The following CLNK variants were observed in gnomAD, a reference collection of about 807,000 sequenced individuals.
The protein encoded by CLNK is cytokine dependent hematopoietic cell linker.
In CLNK, 74 loss-of-function variants were observed where a neutral mutation model predicts 68.6. That is an observed-to-expected ratio of 1.08 (90% confidence interval 0.89 to 1.31). CLNK has a LOEUF of 1.31. CLNK is among the 50% of genes most tolerant of loss of function. The probability of loss-of-function intolerance (pLI) is 0.00; values close to 1 mark genes in which losing one functional copy is unlikely to be tolerated. For missense variants in CLNK, 553 were observed against 515.3 expected, an observed-to-expected ratio of 1.07 and a Z score of -0.71; for synonymous variants, 198 against 172.2, an observed-to-expected ratio of 1.15 and a Z score of -1.17.
chr4:10,658,628 C>T (rs930359624), intron 2 of CLNK, among the ~76,000 whole-genome samples: 24 of 152,142 alleles, frequency 1.6e-4, no homozygotes, highest in Non-Finnish European at 2.8e-4. Flanking sequence ...AGGGCTTCTC[C>T]GCAAGGCTTG....
intron 11 of CLNK, 120 bp downstream of exon 11, chr4:10,540,374 A>G (rs546680885): frequency 7.0e-6 from 5 of 716,244 alleles, no homozygotes; most frequent in African/African-American, 7.0e-5. Context: ...GAATGGACCA[A>G]TACACTCCCC....
chr4:10,580,406 G>T lies in CLNK; in HGVS notation c.112+4521C>A, dbSNP rs180804735. Among the ~76,000 whole-genome samples the T allele has an allele frequency of 3.8e-4, 58 of 152,278 alleles. 1 individual carries two copies. Among genetic ancestry groups the T allele is most frequent in the African/African-American group, 1.4e-3 (58 of 41,560 alleles). On this transcript the variant is annotated intron_variant, in intron 4 of 18. Transcript: ENST00000226951. Reference sequence around the variant, plus strand: ...TTTTAAAGCATCCCGCTACTGATTAGAAAAAGTTAACTGTAAAACAGTCTC... The same window carrying T: ...TTTTAAAGCATCCCGCTACTGATTATAAAAAGTTAACTGTAAAACAGTCTC...
rs573464008 is a variant in CLNK, at chr4:10,488,325, G to A, written c.*2142C>T. On this transcript the variant is annotated 3_prime_UTR_variant, in exon 19 of 19. Coordinates refer to ENST00000226951, the MANE Select transcript of CLNK (RefSeq NM_052964.4). ...CTCATAGACATTTCTTGAGAACATA[G>A]CATTGAATGGCATGGCCTCAATGAA... 1.3e-5 allele frequency: 2 copies of A among 152,312 alleles called. No individual in the cohort carries two copies. Among genetic ancestry groups the A allele is most frequent in the African/African-American group, 2.4e-5 (1 of 41,582 alleles). The allele number at this position is 152,312 out of a possible 1,614,324, so 9.4% of individuals were successfully genotyped here. A position where few individuals can be genotyped will look rare whatever the true frequency, so the allele number is the denominator to read the frequency against.
At chr4:10,715,233 A>ACT in the CLNK span, among the ~76,000 whole-genome samples, 1 of 152,210 alleles carries the variant, frequency 6.6e-6, no homozygotes, top group Non-Finnish European at 1.5e-5. Flanking sequence ...GCCCCTCTCT[A>ACT]GACCTACTGA....
intron 10 of CLNK, among the ~76,000 whole-genome samples, chr4:10,541,453 C>T (rs897282237): frequency 6.6e-6 from 1 of 152,056 alleles, no homozygotes; most frequent in African/African-American, 2.4e-5. Flanking sequence ...GTAATGCATA[C>T]TATGGCAGAG....
chr4:10,690,269 A>G, the CLNK span, among the ~76,000 whole-genome samples: 1 of 152,140 alleles, frequency 6.6e-6, no homozygotes, highest in Non-Finnish European at 1.5e-5. Flanking sequence ...AAACCATCCC[A>G]CAGGACAGAA....
intron 7 of CLNK, among the ~76,000 whole-genome samples, chr4:10,561,547 G>C (rs1719888210): frequency 1.3e-5 from 2 of 152,178 alleles, no homozygotes; most frequent in African/African-American, 4.8e-5. Context: ...GTCATTTACA[G>C]GGAAAGTTCA....
At chr4:10,625,158 G>A (rs1027801156) in intron 2 of CLNK, among the ~76,000 whole-genome samples, 2 of 152,216 alleles carry the variant, frequency 1.3e-5, no homozygotes, top group African/African-American at 4.8e-5. Context: ...CCATGGTGCT[G>A]TAAAGCCATG....
At chr4:10,674,761 G>A (rs915333276) in intron 1 of CLNK, among the ~76,000 whole-genome samples, 2 of 152,166 alleles carry the variant, frequency 1.3e-5, no homozygotes, top group African/African-American at 4.8e-5. Flanking sequence ...TATTTGATTA[G>A]CTCATTAAGT....
intron 4 of CLNK, among the ~76,000 whole-genome samples, chr4:10,576,472 C>T (rs999571600): frequency 1.3e-4 from 20 of 152,116 alleles, no homozygotes; most frequent in African/African-American, 4.8e-4. Flanking sequence ...AAACAATGTC[C>T]CTTTGAAAGT....
At chr4:10,512,803 A>T (rs781717576) in intron 16 of CLNK, among the ~76,000 whole-genome samples, 63 of 151,392 alleles carry the variant, frequency 4.2e-4, no homozygotes, top group Non-Finnish European at 7.9e-4. Context: ...ATCCAATGTG[A>T]TGGAGAGAAA....
At chr4:10,663,974 T>C (rs913987131) in intron 2 of CLNK, among the ~76,000 whole-genome samples, 2 of 152,214 alleles carry the variant, frequency 1.3e-5, no homozygotes, top group African/African-American at 2.4e-5. Context: ...CTAAATCTGC[T>C]AGCCCCATGT....
chr4:10,537,407 G>A (rs917171293), intron 11 of CLNK, among the ~76,000 whole-genome samples: 3 of 152,150 alleles, frequency 2.0e-5, no homozygotes, highest in African/African-American at 7.2e-5. Flanking sequence ...GAACCCGGGA[G>A]GCAGAGGTTG....
intron 3 of CLNK, among the ~76,000 whole-genome samples, chr4:10,593,651 C>G (rs922523122): frequency 3.9e-5 from 6 of 152,128 alleles, no homozygotes; most frequent in African/African-American, 1.4e-4. Context: ...GAGACTCAGT[C>G]TGAAAACAAA....
intron 8 of CLNK, among the ~76,000 whole-genome samples, chr4:10,550,427 G>A (rs1254530543): frequency 1.3e-5 from 2 of 152,058 alleles, no homozygotes; most frequent in African/African-American, 2.4e-5. Flanking sequence ...CCCGGGAGGC[G>A]GAGCTTGCAG....
chr4:10,628,811 T>C (rs1722777832), intron 2 of CLNK, among the ~76,000 whole-genome samples: 1 of 152,206 alleles, frequency 6.6e-6, no homozygotes, highest in South Asian at 2.1e-4. Flanking sequence ...TGAAAGTCTT[T>C]GTCTGCCTAA....
intron 1 of CLNK, among the ~76,000 whole-genome samples, chr4:10,682,133 A>ATGTGTGTGTG (rs67960184): frequency 7.8e-6 from 1 of 128,402 alleles, no homozygotes; most frequent in Non-Finnish European, 1.7e-5. Flanking sequence ...GTGTGTGTGT[A>ATGTGTGTGTG]TGTGTGTGTG....
At chr4:10,709,166 C>G in the CLNK span, among the ~76,000 whole-genome samples, 3 of 152,170 alleles carry the variant, frequency 2.0e-5, no homozygotes, top group Non-Finnish European at 4.4e-5. Context: ...TATACTGACT[C>G]TATGTTCTTG....
intron 1 of CLNK, among the ~76,000 whole-genome samples, chr4:10,670,728 C>T (rs545081836): frequency 3.1e-4 from 47 of 152,066 alleles, no homozygotes; most frequent in Non-Finnish European, 5.6e-4. Flanking sequence ...AAATACAATC[C>T]ATCAATATTT....
Sources: allele counts gnomAD v4.1 joint callset (sites outside exome capture counted in the v4.1 genomes callset), GRCh38; gene constraint gnomAD v4.1.1; transcripts MANE v1.5; gene names NCBI Gene and HGNC (gene_info 2026-07-23, HGNC 2026-07-21).